Variants in ARF4 observed in about 807,000 individuals in gnomAD.
ARF4 encodes the protein ADP-ribosylation factor 4.
A neutral mutation model predicts 24.3 loss-of-function variants in ARF4; 5 were observed. That is an observed-to-expected ratio of 0.21 (90% CI 0.11 to 0.43). ARF4 has a LOEUF of 0.43. Among genes scored for constraint, ARF4 ranks in the 20% least tolerant of loss-of-function variants. ARF4 has a pLI of 1.00. For missense variants in ARF4, 107 were observed against 213.0 expected, an observed-to-expected ratio of 0.50 and a Z score of 3.10; for synonymous variants, 62 against 73.5, an observed-to-expected ratio of 0.84 and a Z score of 0.80.
At chr3:57,572,350 C>A in intron 5 of ARF4, 52 bp from the exon 6 acceptor site, 1 of 1,336,004 alleles carries the variant, frequency 7.5e-7, no homozygotes, top group South Asian at 1.2e-5. Context: ...ATATATAACA[C>A]CAGTGTTTAA....
Position 57,584,365 on chromosome 3 carries a change from C to A in ARF4, c.148+19G>T. On this transcript the variant is annotated intron_variant, in intron 2 of 5. Transcript: ENST00000303436. ...TTTACAACATATCATGATATAAAGT[C>A]ATCTGTAAACTTTCTTACCAATGGT... 1 of 1,559,802 alleles carries A rather than the reference C, an allele frequency of 6.4e-7. No homozygotes were observed.
At chr3:57,585,295 T>A (rs1484867825) in intron 1 of ARF4, among the ~76,000 whole-genome samples, 4 of 152,224 alleles carry the variant, frequency 2.6e-5, no homozygotes, top group Non-Finnish European at 4.4e-5. Flanking sequence ...ATTTTGATGC[T>A]AAGGGGTAAA....
chr3:57,579,973 T>A (rs180841733), intron 3 of ARF4, among the ~76,000 whole-genome samples: 4 of 151,986 alleles, frequency 2.6e-5, no homozygotes, highest in African/African-American at 9.7e-5. Context: ...TGGTGGCACA[T>A]GTCTATAGTC....
intron 3 of ARF4, among the ~76,000 whole-genome samples, chr3:57,582,744 TA>T (rs35475254): frequency 1.7e-4 from 21 of 121,442 alleles, no homozygotes; most frequent in African/African-American, 5.2e-4. Context: ...ATATCACACT[TA>T]AAAAAAATTA....
intron 1 of ARF4, among the ~76,000 whole-genome samples, chr3:57,590,141 AAACAAAAAAAG>A (rs1371572287): frequency 1.4e-5 from 2 of 143,930 alleles, no homozygotes; most frequent in South Asian, 2.3e-4. Context: ...ATAAAACAAA[AAACAAAAAAAG>A]AACATCTATA....
rs1271005079 is a variant in ARF4, at chr3:57,583,412, A to G, written c.258+486T>C. Among the ~76,000 whole-genome samples, 4 of 152,192 alleles carry G rather than the reference A, an allele frequency of 2.6e-5. No individual in the cohort carries two copies. In the East Asian group the frequency reaches 7.7e-4, roughly 29 times the overall value. ...AGAACTCCTGTTCTACAGGATCACT[A>G]AAGTCTCTTCCATGCCAGTATTATA... On this transcript the variant is annotated intron_variant, in intron 3 of 5. Coordinates refer to ENST00000303436, the MANE Select transcript of ARF4 (RefSeq NM_001660.4).
chr3:57,591,471 C>CTT (rs368262212), intron 1 of ARF4, among the ~76,000 whole-genome samples: 27 of 142,136 alleles, frequency 1.9e-4, no homozygotes, highest in South Asian at 6.7e-4. Flanking sequence ...CTTTTCTTTT[C>CTT]TTTTTTTTTT....
chr3:57,583,885 C>T lies in ARF4; in HGVS notation c.258+13G>A. The T allele has an allele frequency of 3.3e-6, 5 of 1,534,102 alleles. No individual in the cohort carries two copies. Among genetic ancestry groups the T allele is most frequent in the Non-Finnish European group, 4.5e-6 (5 of 1,114,444 alleles). On this transcript the variant is annotated intron_variant, in intron 3 of 5. Transcript: ENST00000303436. ...CACAAAGAAAAGTTATAAAAACATA[C>T]AGTATCCCTTACCTGGGTATTCTGG...
At chr3:57,575,814 C>T in intron 4 of ARF4, 141 bp from the exon 5 acceptor site, 1 of 932,778 alleles carries the variant, frequency 1.1e-6, no homozygotes, top group Non-Finnish European at 1.5e-6. Flanking sequence ...ACTCTTACAA[C>T]TGAAGTCTCA....
chr3:57,592,857 A>G (rs1358616448), intron 1 of ARF4, among the ~76,000 whole-genome samples: 1 of 152,184 alleles, frequency 6.6e-6, no homozygotes, highest in Non-Finnish European at 1.5e-5. Flanking sequence ...AAGAGAGGAC[A>G]CAAAACTAAA....
rs2069847751 is a variant in ARF4 at position 57,572,004 on chromosome 3, T to C, written c.*208A>G. 7 of 482,188 alleles carry C rather than the reference T, an allele frequency of 1.5e-5. No homozygotes were observed. In the South Asian group the frequency reaches 2.4e-4, roughly 16 times the overall value. 29.9% of individuals were successfully genotyped at this position (482,188 alleles called of 1,614,324 possible). A position where few individuals can be genotyped will look rare whatever the true frequency, so the allele number is the denominator to read the frequency against. On this transcript the variant is annotated 3_prime_UTR_variant, in exon 6 of 6. Transcript: ENST00000303436. ...AAGTAAAATTAAAAGAGGATACTTT[T>C]TTCCCAAGGAGAATTTCTTTAAAAC...
chr3:57,575,642 A>G lies in ARF4; in HGVS notation c.362T>C (p.Leu121Pro). Residue 121 changes from leucine (L) to proline (P), a missense_variant, in exon 5 of 6, where the codon CTG becomes CCG. By Grantham distance (98) the Leu-to-Pro change is moderately conservative. Transcript: ENST00000303436. ...LLVDELRDAVLLLFANKQDLP... is the reference protein window; with the variant it reads ...LLVDELRDAVPLLFANKQDLP... ...ATCCTGTTTGTTTGCAAAAAGTAGC[A>G]GCACTGCATCTCTCAATTCATCTAC... The G allele has an allele frequency of 6.2e-7, 1 of 1,613,002 alleles. No homozygotes were observed. Among genetic ancestry groups the G allele is most frequent in the Non-Finnish European group, 8.5e-7 (1 of 1,179,688 alleles).
At position 57,597,239 on chromosome 3, in the gene ARF4, GAGA is replaced by G. The variant is rs1165852289; in HGVS notation, c.-102_-100del. ...CCCAGGCAAACTAAACGAGAGGGAA[GAGA>G]AAGAGCGGAGGAAGAAAGAGGGAGG... On this transcript the variant is annotated 5_prime_UTR_variant, in exon 1 of 6. Coordinates refer to ENST00000303436, the MANE Select transcript of ARF4 (RefSeq NM_001660.4). 1 of 1,184,898 alleles carries G rather than the reference GAGA, an allele frequency of 8.4e-7. No homozygotes were observed. Among genetic ancestry groups the G allele is most frequent in the Non-Finnish European group, 1.2e-6 (1 of 816,492 alleles). 73.4% of individuals were successfully genotyped at this position (1,184,898 alleles called of 1,614,324 possible).
In ARF4 at chr3:57,597,027, G is replaced by A. The variant is rs188261908; in HGVS notation, c.67+47C>T. On this transcript the variant is annotated intron_variant, in intron 1 of 5. Transcript: ENST00000303436. ...GCCCAGAGGCCACCCCAATTGTGGA[G>A]ACCCTGCCTTTCCCAGGTCCCGCCT... 58 of 1,596,378 alleles carry A rather than the reference G, an allele frequency of 3.6e-5. No homozygotes were observed. In the East Asian group the frequency reaches 9.8e-4, roughly 27 times the overall value.
At chr3:57,578,037 C>T (rs1025449423) in intron 3 of ARF4, among the ~76,000 whole-genome samples, 9 of 151,780 alleles carry the variant, frequency 5.9e-5, no homozygotes, top group Non-Finnish European at 1.3e-4. Flanking sequence ...GGTGGCAGAG[C>T]GAGACCCTAT....
At chr3:57,576,967 T>C (rs6779410) in intron 4 of ARF4, among the ~76,000 whole-genome samples, 24,630 of 151,712 alleles carry the variant, frequency 0.16, 2,647 homozygotes, top group East Asian at 0.48. Flanking sequence ...TACAGCACTA[T>C]AGATTTGATA....
chr3:57,589,203 G>A (rs2070074534), intron 1 of ARF4, among the ~76,000 whole-genome samples: 1 of 152,170 alleles, frequency 6.6e-6, no homozygotes, highest in African/African-American at 2.4e-5. Context: ...AGGAGGTCAA[G>A]GCTGCAGTGA....
In ARF4 at chr3:57,571,991, A is replaced by G; in HGVS notation, c.*221T>C. ...TTACGCTTATGGGAAGTAAAATTAA[A>G]AGAGGATACTTTTTTCCCAAGGAGA... On this transcript the variant is annotated 3_prime_UTR_variant, in exon 6 of 6. Coordinates refer to ENST00000303436, the MANE Select transcript of ARF4 (RefSeq NM_001660.4). 2.1e-6 allele frequency: 1 copy of G among 475,798 alleles called. No individual in the cohort carries two copies. The highest frequency in any genetic ancestry group is 3.3e-5 in the East Asian group (1 of 30,104). The allele number at this position is 475,798 out of a possible 1,614,324, so 29.5% of individuals were successfully genotyped here.
At chr3:57,575,041 G>A (rs1301933621) in intron 5 of ARF4, among the ~76,000 whole-genome samples, 3 of 151,864 alleles carry the variant, frequency 2.0e-5, no homozygotes, top group Non-Finnish European at 2.9e-5. Flanking sequence ...TAGAGACAGG[G>A]TTTCTCCCTG....
Sources: allele counts gnomAD v4.1 joint callset (sites outside exome capture counted in the v4.1 genomes callset), GRCh38; gene constraint gnomAD v4.1.1; transcripts MANE v1.5; gene names NCBI Gene and HGNC (gene_info 2026-07-23, HGNC 2026-07-21).